Variants in CD5 observed in about 807,000 individuals in gnomAD.
CD5 encodes the protein T-cell surface glycoprotein CD5.
Under a neutral mutation model 60.3 loss-of-function variants are expected in CD5, and 36 were observed. That is an observed-to-expected ratio of 0.60 (90% CI 0.46 to 0.79). The LOEUF (loss-of-function observed/expected upper bound fraction) is 0.79. Among genes scored for constraint, CD5 ranks in the 30% least tolerant of loss-of-function variants. CD5 has a pLI of 0.00. For missense variants in CD5, 540 were observed against 630.6 expected (o/e 0.86, Z 1.54); for synonymous variants, 230 against 257.6 (o/e 0.89, Z 1.03).
In CD5 at chr11:61,121,867, GGA is replaced by G. The variant is rs1861064804; in HGVS notation, c.1067_1068del (p.Arg356LysfsTer86). 1.3e-6 allele frequency: 2 copies of G among 1,562,194 alleles called. No homozygotes were observed. Among genetic ancestry groups the G allele is most frequent in the Non-Finnish European group, 1.7e-6 (2 of 1,147,028 alleles). ...AGCTGTCCCAGTGCCACGAACTTTGGGAGAGAAATTCCTACTGCAAGAAGGTG... is the reference window on the plus strand; with the variant it reads ...AGCTGTCCCAGTGCCACGAACTTTGGGAGAAATTCCTACTGCAAGAAGGTG... ...QKLSQCHELW[E>X]RNSYCKKVFV... On this transcript the variant is annotated frameshift_variant, in exon 6 of 11. Coordinates refer to ENST00000347785, the MANE Select transcript of CD5 (RefSeq NM_014207.4). LOFTEE classifies it high-confidence loss of function.
intron 9 of CD5, among the ~76,000 whole-genome samples, chr11:61,125,488 C>G (rs1468423196): frequency 6.6e-6 from 1 of 152,170 alleles, no homozygotes; most frequent in East Asian, 1.9e-4. Context: ...TGGATTCCTC[C>G]GGGCTAGAAG....
intron 8 of CD5, 64 bp downstream of exon 8, chr11:61,124,001 G>C: frequency 7.7e-7 from 1 of 1,292,768 alleles, no homozygotes; most frequent in Admixed American, 1.7e-5. Context: ...AGGCAGAGTC[G>C]AGGCTCTCTG....
chr11:61,113,825 C>A (rs1255078840), intron 1 of CD5, among the ~76,000 whole-genome samples: 1 of 152,144 alleles, frequency 6.6e-6, no homozygotes, highest in Non-Finnish European at 1.5e-5. Context: ...TGCATCACCA[C>A]GCCGAGCTAA....
chr11:61,112,482 A>G (rs984211255), intron 1 of CD5, among the ~76,000 whole-genome samples: 2 of 152,110 alleles, frequency 1.3e-5, no homozygotes, highest in African/African-American at 4.8e-5. Context: ...CATCTCTACT[A>G]AAAGTACAAA....
In CD5 at chr11:61,119,378, A is replaced by G. The variant is rs151306974; in HGVS notation, c.608A>G (p.Asn203Ser). The change falls in exon 5 of 11, where the codon AAC (asparagine) becomes AGC (serine). Residue 203 changes from asparagine (N) to serine (S), a missense_variant. Transcript: ENST00000347785. ...TQDLENFLCN[N>S]LQCGSFLKHL... The stretch of plus-strand genomic sequence containing the variant: ...GACCTGGAGAACTTCCTCTGCAACA[A>G]CCTCCAGTGTGGCTCCTTCTTGAAG... The G allele has an allele frequency of 4.6e-4, 747 of 1,613,992 alleles. 9 individuals are homozygous for G. In the East Asian group the frequency reaches 0.016, roughly 35 times the overall value.
At chr11:61,100,857 A>G (rs1860667110), upstream of CD5, among the ~76,000 whole-genome samples, 1 of 145,580 alleles carries the variant, frequency 6.9e-6, no homozygotes, top group Non-Finnish European at 1.5e-5. Context: ...TCACATTCAC[A>G]CACATCAACA....
At chr11:61,100,709 A>G (rs904969657), upstream of CD5, among the ~76,000 whole-genome samples, 2 of 141,990 alleles carry the variant, frequency 1.4e-5, no homozygotes, top group Non-Finnish European at 3.1e-5. Flanking sequence ...ACAAACACAC[A>G]TCAACATGGA....
In CD5 at chr11:61,127,750, A is replaced by G. The variant is rs1029668440; in HGVS notation, c.*1465A>G. 2.6e-5 allele frequency: 4 copies of G among 152,172 alleles called. No individual in the cohort carries two copies. The highest frequency in any genetic ancestry group is 5.9e-5 in the Non-Finnish European group (4 of 68,034). The allele number at this position is 152,172 out of a possible 1,614,324, so 9.4% of individuals were successfully genotyped here. A position where few individuals can be genotyped will look rare whatever the true frequency, so the allele number is the denominator to read the frequency against. On this transcript the variant is annotated 3_prime_UTR_variant, in exon 11 of 11. Coordinates refer to ENST00000347785, the MANE Select transcript of CD5 (RefSeq NM_014207.4). ...GTCTCCCATCAGTGCCTTTTTTAATAAAAGCTCTTTCATCTATAGTTTGGC... is the reference window on the plus strand; with the variant it reads ...GTCTCCCATCAGTGCCTTTTTTAATGAAAGCTCTTTCATCTATAGTTTGGC...
chr11:61,101,739 A>G (rs1246535809), upstream of CD5, among the ~76,000 whole-genome samples: 1 of 151,522 alleles, frequency 6.6e-6, no homozygotes, highest in Non-Finnish European at 1.5e-5. Context: ...CACACACGTC[A>G]ACATGGAGAT....
intron 1 of CD5, 29 bp from the exon 2 acceptor site, chr11:61,115,027 T>C: frequency 1.3e-6 from 2 of 1,551,034 alleles, no homozygotes; most frequent in Non-Finnish European, 1.7e-6. Flanking sequence ...GAGGTTTCAC[T>C]TCCTGACCCT....
At chr11:61,123,703 C>T (rs952018063) in intron 7 of CD5, among the ~76,000 whole-genome samples, 181 bp from the exon 8 acceptor site, 11 of 152,050 alleles carry the variant, frequency 7.2e-5, no homozygotes, top group African/African-American at 2.2e-4. Context: ...ATTCCCTTCC[C>T]GAGCAAGTTA....
upstream of CD5, among the ~76,000 whole-genome samples, chr11:61,099,675 G>C (rs1860632521): frequency 1.3e-5 from 2 of 150,424 alleles, no homozygotes; most frequent in Non-Finnish European, 3.0e-5. Context: ...CATCAACATG[G>C]AGATCAAATT....
intron 1 of CD5, 53 bp downstream of exon 1, chr11:61,102,668 G>A: frequency 2.8e-6 from 4 of 1,442,728 alleles, no homozygotes; most frequent in Non-Finnish European, 3.8e-6. Flanking sequence ...TCCAGTGCAA[G>A]GAAGGAGTTC....
intron 7 of CD5, among the ~76,000 whole-genome samples, chr11:61,123,249 A>C (rs1309306144): frequency 6.6e-6 from 1 of 152,178 alleles, no homozygotes; most frequent in East Asian, 1.9e-4. Flanking sequence ...TGATTTGTCC[A>C]TCTCTGGAGC....
At chr11:61,097,278 G>A in the CD5 span, among the ~76,000 whole-genome samples, 1 of 152,170 alleles carries the variant, frequency 6.6e-6, no homozygotes, top group African/African-American at 2.4e-5. Context: ...AGTTCCTGAT[G>A]AATTCTTGGC....
Position 61,118,854 on chromosome 11 carries a change from T to G in CD5, c.401-61T>G. On this transcript the variant is annotated intron_variant, in intron 3 of 10. Transcript: ENST00000347785. This position sits in a 1 kb window ranked among gnomAD's most constrained non-coding sequence, Gnocchi z 4.7. ...GAGCTCCTGGTCCTCTCAAGGCTGC[T>G]GGCTGCCCCCGGCCCTCCCCACACC... The G allele has an allele frequency of 8.1e-7, 1 of 1,240,436 alleles. No individual in the cohort carries two copies. The highest frequency in any genetic ancestry group is 1.2e-5 in the South Asian group (1 of 81,476). 76.8% of individuals were successfully genotyped at this position (1,240,436 alleles called of 1,614,324 possible).
intron 6 of CD5, 41 bp from the exon 7 acceptor site, chr11:61,122,866 C>T: frequency 1.3e-6 from 2 of 1,575,736 alleles, no homozygotes; most frequent in Non-Finnish European, 1.7e-6. Flanking sequence ...GTTTTTCTCC[C>T]CCCAGGACTG....
At chr11:61,106,583 G>T (rs1860781734) in intron 1 of CD5, among the ~76,000 whole-genome samples, 1 of 152,190 alleles carries the variant, frequency 6.6e-6, no homozygotes, top group African/African-American at 2.4e-5. Context: ...GTCACCATCA[G>T]TTCAGAGGGG....
At chr11:61,120,960 G>A (rs1309266826) in intron 5 of CD5, among the ~76,000 whole-genome samples, 1 of 152,238 alleles carries the variant, frequency 6.6e-6, no homozygotes, top group African/African-American at 2.4e-5. Context: ...GGGCAAAGCT[G>A]GTGAGATCAC....
Sources: gnomAD v4.1 joint callset for allele counts (sites outside exome capture counted in the v4.1 genomes callset) on GRCh38, gnomAD v4.1.1 for gene constraint, Gnocchi (gnomAD v3.1) non-coding constraint, MANE v1.5 for transcripts, NCBI Gene and HGNC (gene_info 2026-07-23, HGNC 2026-07-21) for gene names.